ZBTB34: variants seen among roughly 807,000 people sequenced by gnomAD.
ZBTB34 encodes zinc finger and BTB domain-containing protein 34.
In ZBTB34, 1 loss-of-function variant was observed where a neutral mutation model predicts 33.4. That is an observed-to-expected ratio of 0.03 (90% CI 0.01 to 0.14). ZBTB34 has a LOEUF of 0.14. Among genes scored for constraint, ZBTB34 ranks in the 10% least tolerant of loss-of-function variants. The pLI is 1.00. For synonymous variants in ZBTB34, 283 were observed against 253.5 expected, an observed-to-expected ratio of 1.12 and a Z score of -1.11; for missense variants, 406 against 657.2, an observed-to-expected ratio of 0.62 and a Z score of 4.18.
intron 1 of ZBTB34, among the ~76,000 whole-genome samples, chr9:126,868,761 G>T (rs1484079038): frequency 6.6e-6 from 1 of 152,174 alleles, no homozygotes; most frequent in Admixed American, 6.5e-5. Flanking sequence ...CTTCTTGGCA[G>T]CATCTGCTCT....
intron 1 of ZBTB34, among the ~76,000 whole-genome samples, chr9:126,867,255 G>T (rs2033216907): frequency 6.6e-6 from 1 of 151,682 alleles, no homozygotes. Context: ...GGACCAAAAG[G>T]TAAATGCCTT....
exon 2 of ZBTB34, chr9:126,884,985 A>C (rs1012481982): frequency 1.6e-4 from 26 of 167,010 alleles, no homozygotes; most frequent in African/African-American, 6.3e-4. Context: ...TATTTATTAA[A>C]TTTTATATAT....
chr9:126,872,597 C>G (rs1440015233), intron 1 of ZBTB34, among the ~76,000 whole-genome samples: 1 of 151,874 alleles, frequency 6.6e-6, no homozygotes, highest in Non-Finnish European at 1.5e-5. Context: ...CTGACCTCCT[C>G]TATCCTGGGA....
At chr9:126,864,853 G>T (rs2033180478) in intron 1 of ZBTB34, among the ~76,000 whole-genome samples, 1 of 152,122 alleles carries the variant, frequency 6.6e-6, no homozygotes, top group Admixed American at 6.6e-5. Context: ...TGTCTGCGGT[G>T]CTTCAGTCTG....
chr9:126,884,279 T>G (rs768952708), exon 2 of ZBTB34: 1 of 167,046 alleles, frequency 6.0e-6, no homozygotes, highest in Non-Finnish European at 1.5e-5. Context: ...TTACTAATGT[T>G]TGTGGTTTTA....
intron 1 of ZBTB34, among the ~76,000 whole-genome samples, chr9:126,861,220 C>T (rs1001965867): frequency 2.0e-5 from 3 of 152,224 alleles, no homozygotes; most frequent in African/African-American, 7.2e-5. Flanking sequence ...CTGCCTCACG[C>T]CACCGCCTTC....
At chr9:126,876,989 TAA>T (rs917763419) in intron 1 of ZBTB34, among the ~76,000 whole-genome samples, 2 of 152,228 alleles carry the variant, frequency 1.3e-5, no homozygotes, top group African/African-American at 4.8e-5. Context: ...TCTTAAAATT[TAA>T]AAATTCCGTC....
chr9:126,878,538 A>C (rs1007012077), intron 1 of ZBTB34, among the ~76,000 whole-genome samples: 8 of 152,056 alleles, frequency 5.3e-5, no homozygotes, highest in African/African-American at 1.7e-4. Flanking sequence ...CAGCCAAAGC[A>C]ACCCAACCCA....
In ZBTB34 at chr9:126,875,512, A is replaced by T. The variant is rs545445187; in HGVS notation, c.-10-3878A>T. On this transcript the variant is annotated intron_variant, in intron 1 of 1. Coordinates refer to ENST00000319119, the Ensembl canonical transcript of ZBTB34. Reference sequence around the variant, plus strand: ...TCTTCATTTATACAGGCTTTTGTCCATATTAAAATGAGTTGTATTTTTCTT... The same window carrying T: ...TCTTCATTTATACAGGCTTTTGTCCTTATTAAAATGAGTTGTATTTTTCTT... Among the ~76,000 whole-genome samples, 77 of 152,246 alleles carry T rather than the reference A, an allele frequency of 5.1e-4. 1 individual carries two copies. Among genetic ancestry groups the T allele is most frequent in the Non-Finnish European group, 7.3e-4 (50 of 68,028 alleles).
At chr9:126,876,251 A>C (rs1253922601) in intron 1 of ZBTB34, among the ~76,000 whole-genome samples, 1 of 31,812 alleles carries the variant, frequency 3.1e-5, no homozygotes, top group African/African-American at 1.2e-4. Flanking sequence ...TTCCCTGTTA[A>C]GTATACCAAC....
At chr9:126,874,020 C>T (rs924700746) in intron 1 of ZBTB34, among the ~76,000 whole-genome samples, 1 of 146,982 alleles carries the variant, frequency 6.8e-6, no homozygotes, top group Non-Finnish European at 1.5e-5. Context: ...TTGTGAGAGA[C>T]TCTGCTGTGT....
intron 1 of ZBTB34, among the ~76,000 whole-genome samples, chr9:126,873,624 A>G (rs967624270): frequency 4.0e-5 from 6 of 151,356 alleles, no homozygotes; most frequent in African/African-American, 1.5e-4. Context: ...TCTTTTTTTG[A>G]GACGGAGTCT....
chr9:126,875,989 T>C (rs189723517), intron 1 of ZBTB34, among the ~76,000 whole-genome samples: 2 of 151,986 alleles, frequency 1.3e-5, no homozygotes, highest in Non-Finnish European at 2.9e-5. Flanking sequence ...TGCAAACTGC[T>C]GAGTTAAGCA....
intron 1 of ZBTB34, chr9:126,863,564 T>C (rs2033166941): frequency 3.2e-6 from 1 of 313,654 alleles, no homozygotes; most frequent in African/African-American, 2.3e-5. Context: ...TTCAAACTTC[T>C]TAATTGTGTC....
chr9:126,878,958 A>G (rs1170151811), intron 1 of ZBTB34, among the ~76,000 whole-genome samples: 1 of 152,112 alleles, frequency 6.6e-6, no homozygotes, highest in Non-Finnish European at 1.5e-5. Flanking sequence ...TCCTGACCTC[A>G]AGTGATCCGC....
Position 126,880,101 on chromosome 9 carries a change from G to T in ZBTB34, c.702G>T (p.Gln234His), listed in dbSNP as rs975947850. 6.2e-7 allele frequency: 1 copy of T among 1,613,776 alleles called. No homozygotes were observed. Among genetic ancestry groups the T allele is most frequent in the Non-Finnish European group, 8.5e-7 (1 of 1,179,898 alleles). ...GAGACCTATTGGTGAGGGAGAGCCA[G>T]ATCACCGAGGTGAAAGTGAAGATGG... Residue 234 changes from glutamine (Q) to histidine (H), a missense_variant, in exon 2 of 2, where the codon CAG becomes CAT. Around this residue, in one of 6 missense-constraint regions of ZBTB34, gnomAD observed 137 missense variants for 173.0 expected, o/e 0.79. Coordinates refer to ENST00000319119, the Ensembl canonical transcript of ZBTB34. This position sits in a 1 kb window ranked among gnomAD's most constrained non-coding sequence, Gnocchi z 6.7.
At chr9:126,878,070 T>C (rs2033385662) in intron 1 of ZBTB34, among the ~76,000 whole-genome samples, 1 of 151,886 alleles carries the variant, frequency 6.6e-6, no homozygotes, top group Admixed American at 6.6e-5. Context: ...GTGTGGCAGC[T>C]CACACTTGCA....
At chr9:126,866,107 A>G (rs2033197065) in intron 1 of ZBTB34, among the ~76,000 whole-genome samples, 1 of 151,710 alleles carries the variant, frequency 6.6e-6, no homozygotes, top group African/African-American at 2.4e-5. Flanking sequence ...CACCCTTTCT[A>G]TTCTCAGCCT....
exon 2 of ZBTB34, chr9:126,882,393 C>T (rs1313757446): frequency 1.2e-5 from 2 of 167,068 alleles, no homozygotes; most frequent in Non-Finnish European, 2.9e-5. Context: ...CTGGCAAACA[C>T]GTTACTGTAT....
Sources: allele counts gnomAD v4.1 joint callset (sites outside exome capture counted in the v4.1 genomes callset), GRCh38; gene constraint gnomAD v4.1.1; regional missense constraint gnomAD v4.1.1; non-coding constraint Gnocchi (gnomAD v3.1); transcripts MANE v1.5; gene names NCBI Gene and HGNC (gene_info 2026-07-23, HGNC 2026-07-21).